TBCA: variants seen among roughly 807,000 people sequenced by gnomAD.
TBCA encodes tubulin-specific chaperone A.
Under a neutral mutation model 15.8 loss-of-function variants are expected in TBCA, and 6 were observed. That is an observed-to-expected ratio of 0.38 (90% CI 0.21 to 0.75). TBCA has a LOEUF of 0.75. Among genes scored for constraint, TBCA ranks in the 30% least tolerant of loss-of-function variants. The probability of loss-of-function intolerance (pLI) is 0.46; values close to 1 mark genes in which losing one functional copy is unlikely to be tolerated. For missense variants in TBCA, 90 were observed against 131.2 expected, an observed-to-expected ratio of 0.69 and a Z score of 1.53; for synonymous variants, 32 against 42.3, an observed-to-expected ratio of 0.76 and a Z score of 0.94.
chr5:77,757,885 A>G (rs1747512975), intron 1 of TBCA, among the ~76,000 whole-genome samples: 1 of 152,216 alleles, frequency 6.6e-6, no homozygotes. Context: ...GGTAGAAGGT[A>G]TCTGAGTCTC....
At chr5:77,723,380 T>C (rs924539258) in intron 1 of TBCA, among the ~76,000 whole-genome samples, 4 of 152,022 alleles carry the variant, frequency 2.6e-5, no homozygotes, top group African/African-American at 9.6e-5. Context: ...ATGAACAAAT[T>C]AGTACATAAA....
intron 1 of TBCA, among the ~76,000 whole-genome samples, chr5:77,723,151 T>A (rs34453156): frequency 0.08 from 12,177 of 151,816 alleles, 638 homozygotes; most frequent in Middle Eastern, 0.12. Context: ...TGGGTTTTTT[T>A]AAAAAAATCC....
intron 1 of TBCA, among the ~76,000 whole-genome samples, chr5:77,744,531 CTTTTT>C (rs70991305): frequency 2.4e-5 from 2 of 82,964 alleles, no homozygotes; most frequent in East Asian, 3.5e-4. Context: ...TCTTATTCAC[CTTTTT>C]TTTTTTTTTT....
At chr5:77,757,155 T>C (rs570593828) in intron 1 of TBCA, among the ~76,000 whole-genome samples, 14 of 152,172 alleles carry the variant, frequency 9.2e-5, no homozygotes, top group African/African-American at 2.9e-4. Flanking sequence ...TCAGGTAGAG[T>C]TGGTCAAATC....
chr5:77,769,568 C>T (rs1359947539), intron 1 of TBCA, among the ~76,000 whole-genome samples: 5 of 151,942 alleles, frequency 3.3e-5, no homozygotes, highest in Admixed American at 3.3e-4. Context: ...TGTCTTCATG[C>T]CTGCTATACA....
chr5:77,743,164 G>A (rs74519469), intron 1 of TBCA, among the ~76,000 whole-genome samples: 2,262 of 152,214 alleles, frequency 0.015, 64 homozygotes, highest in African/African-American at 0.051. Context: ...TCAAAATACC[G>A]GTTAGGAGAA....
intron 2 of TBCA, among the ~76,000 whole-genome samples, chr5:77,706,189 A>AATGACT (rs1451632484): frequency 6.6e-6 from 1 of 152,202 alleles, no homozygotes; most frequent in African/African-American, 2.4e-5. Flanking sequence ...ACATGGCAAA[A>AATGACT]ATGACTGTGA....
At chr5:77,756,998 GAAC>G (rs1021546382) in intron 1 of TBCA, among the ~76,000 whole-genome samples, 1 of 152,102 alleles carries the variant, frequency 6.6e-6, no homozygotes, top group African/African-American at 2.4e-5. Flanking sequence ...AGTAATGAAA[GAAC>G]AATTTTTTTT....
intron 1 of TBCA, among the ~76,000 whole-genome samples, chr5:77,751,307 GC>G (rs914179736): frequency 3.3e-5 from 5 of 151,494 alleles, no homozygotes; most frequent in African/African-American, 1.2e-4. Context: ...GATTATAGGC[GC>G]CCACCACCAC....
At chr5:77,749,177 C>T (rs1002646588) in intron 1 of TBCA, among the ~76,000 whole-genome samples, 4 of 152,158 alleles carry the variant, frequency 2.6e-5, no homozygotes, top group Admixed American at 2.0e-4. Flanking sequence ...CGAGAGATCA[C>T]TTTTTAATGT....
intron 1 of TBCA, among the ~76,000 whole-genome samples, chr5:77,765,881 CAA>C (rs70997944): frequency 0.49 from 62,977 of 129,052 alleles, 14,185 homozygotes; most frequent in East Asian, 0.61. Flanking sequence ...AAACTAGGGC[CAA>C]AAAAAAAAAA....
chr5:77,756,039 T>A (rs1446274552), intron 1 of TBCA, among the ~76,000 whole-genome samples: 2 of 152,036 alleles, frequency 1.3e-5, no homozygotes, highest in African/African-American at 4.8e-5. Context: ...AAAACACAAA[T>A]GGGTTGCCCA....
intron 1 of TBCA, among the ~76,000 whole-genome samples, chr5:77,769,043 G>C (rs990239374): frequency 7.2e-5 from 11 of 152,324 alleles, no homozygotes; most frequent in African/African-American, 2.4e-4. Context: ...TGGGAAAACT[G>C]TGATGATGAG....
At chr5:77,759,988 A>C (rs748745140) in intron 1 of TBCA, among the ~76,000 whole-genome samples, 3 of 152,218 alleles carry the variant, frequency 2.0e-5, no homozygotes, top group Non-Finnish European at 2.9e-5. Context: ...GCAATGTCAG[A>C]GTTTGAGAAT....
intron 2 of TBCA, among the ~76,000 whole-genome samples, chr5:77,697,261 G>T (rs995679610): frequency 1.3e-5 from 2 of 152,150 alleles, no homozygotes. Context: ...GACTTTTGTA[G>T]AACACTCTAC....
At chr5:77,703,638 A>G (rs1746074964) in intron 2 of TBCA, among the ~76,000 whole-genome samples, 1 of 152,158 alleles carries the variant, frequency 6.6e-6, no homozygotes, top group Non-Finnish European at 1.5e-5. Context: ...GTACAGTGGC[A>G]TGATCACGGC....
intron 1 of TBCA, among the ~76,000 whole-genome samples, chr5:77,754,741 G>C: frequency 6.6e-6 from 1 of 152,122 alleles, no homozygotes; most frequent in East Asian, 1.9e-4. Flanking sequence ...TTCTGGTTTT[G>C]GCTGGGTTTA....
intron 2 of TBCA, among the ~76,000 whole-genome samples, chr5:77,701,706 T>A (rs958209565): frequency 7.4e-6 from 1 of 135,810 alleles, no homozygotes; most frequent in Non-Finnish European, 1.6e-5. Flanking sequence ...TATATATATA[T>A]ATATATATAT....
intron 1 of TBCA, among the ~76,000 whole-genome samples, chr5:77,763,972 C>A (rs1747714242): frequency 6.6e-6 from 1 of 152,082 alleles, no homozygotes; most frequent in South Asian, 2.1e-4. Context: ...GTGAAACAAT[C>A]CAAATGCTCA....
Sources: gnomAD v4.1 joint callset for allele counts (sites outside exome capture counted in the v4.1 genomes callset) on GRCh38, gnomAD v4.1.1 for gene constraint, MANE v1.5 for transcripts, NCBI Gene and HGNC (gene_info 2026-07-23, HGNC 2026-07-21) for gene names.